Variants in IL1RAPL2 observed in about 807,000 individuals in gnomAD.
IL1RAPL2 encodes X-linked interleukin-1 receptor accessory protein-like 2.
IL1RAPL2 carries 3 observed loss-of-function variants against 44.1 expected under a neutral mutation model. That is an observed-to-expected ratio of 0.07 (90% confidence interval 0.03 to 0.18). IL1RAPL2 has a LOEUF of 0.18. IL1RAPL2 is among the 10% of genes least tolerant of loss of function. The pLI is 1.00. For synonymous variants in IL1RAPL2, 181 were observed against 178.8 expected, an observed-to-expected ratio of 1.01 and a Z score of -0.10; for missense variants, 391 against 496.4, an observed-to-expected ratio of 0.79 and a Z score of 2.02.
At chrX:104,953,609 A>G (rs1265284552) in intron 2 of IL1RAPL2, among the ~76,000 whole-genome samples, 1 of 112,006 alleles carries the variant, frequency 8.9e-6, no homozygotes, top group Non-Finnish European at 1.9e-5. Context: ...CCCTGAAGCC[A>G]AGCTAACTGG....
At chrX:105,661,994 G>T (rs1331935128) in intron 6 of IL1RAPL2, among the ~76,000 whole-genome samples, 1 of 112,277 alleles carries the variant, frequency 8.9e-6, no homozygotes, top group Non-Finnish European at 1.9e-5. Flanking sequence ...AGATAAAATG[G>T]CAGCAATAGA....
intron 2 of IL1RAPL2, among the ~76,000 whole-genome samples, chrX:104,747,016 C>A (rs923814054): frequency 2.7e-5 from 3 of 111,556 alleles, no homozygotes; most frequent in African/African-American, 9.7e-5. Context: ...GATCTGGCTT[C>A]AATTTACCCC....
chrX:104,611,836 C>CAA lies in IL1RAPL2; in HGVS notation c.-20+44809_-20+44810dup, dbSNP rs57729757. On this transcript the variant is annotated intron_variant, in intron 1 of 10. Transcript: ENST00000372582. The stretch of plus-strand genomic sequence containing the variant: ...TGGGCGACAGAGCGAGACTCCATCT[C>CAA]AAAAAAAAAAAAAAAAAAAAAAAAA... Among the ~76,000 whole-genome samples the CAA allele has an allele frequency of 2.4e-3, 95 of 39,870 alleles. 1 individual carries two copies. The highest frequency in any genetic ancestry group is 3.2e-3 in the Non-Finnish European group (75 of 23,449). 34.6% of individuals were successfully genotyped at this position (39,870 alleles called of 115,157 possible).
At chrX:105,386,972 T>A (rs2035480575) in intron 5 of IL1RAPL2, among the ~76,000 whole-genome samples, 1 of 111,512 alleles carries the variant, frequency 9.0e-6, no homozygotes, top group Admixed American at 9.6e-5. Flanking sequence ...GATCTCTAAT[T>A]AGGACTCCTT....
chrX:105,064,103 A>G (rs2032107226), intron 2 of IL1RAPL2, among the ~76,000 whole-genome samples: 1 of 112,282 alleles, frequency 8.9e-6, no homozygotes, highest in South Asian at 3.7e-4. Context: ...TGGTGAAGCT[A>G]TCTAGGACTT....
intron 2 of IL1RAPL2, among the ~76,000 whole-genome samples, chrX:104,723,487 T>C (rs1349920468): frequency 9.1e-6 from 1 of 109,871 alleles, no homozygotes; most frequent in Non-Finnish European, 1.9e-5. Context: ...CTGTGTAAAT[T>C]AGGAATGTGG....
chrX:105,525,968 G>T (rs1353272193), intron 6 of IL1RAPL2, among the ~76,000 whole-genome samples: 5 of 111,547 alleles, frequency 4.5e-5, no homozygotes, highest in African/African-American at 1.3e-4. Context: ...TCTCACAAAA[G>T]GTAGATAATG....
chrX:105,269,669 G>A (rs1178842510), intron 5 of IL1RAPL2, among the ~76,000 whole-genome samples: 1 of 111,357 alleles, frequency 9.0e-6, no homozygotes, highest in African/African-American at 3.3e-5. Flanking sequence ...ATTCAATCAT[G>A]GGCAGTTGTA....
At chrX:105,278,387 T>C (rs2034502674) in intron 5 of IL1RAPL2, among the ~76,000 whole-genome samples, 1 of 111,472 alleles carries the variant, frequency 9.0e-6, no homozygotes, top group African/African-American at 3.3e-5. Flanking sequence ...CTCCTAGCTA[T>C]GTAGTTTCCT....
chrX:104,874,489 A>G (rs748952162), intron 2 of IL1RAPL2, among the ~76,000 whole-genome samples: 1 of 110,558 alleles, frequency 9.0e-6, no homozygotes, highest in Non-Finnish European at 1.9e-5. Context: ...TACTTCTTGG[A>G]CTGATTATTG....
chrX:105,034,909 T>C (rs1167474170), intron 2 of IL1RAPL2, among the ~76,000 whole-genome samples: 1 of 97,073 alleles, frequency 1.0e-5, no homozygotes. Context: ...GCTTCCCAGC[T>C]GCTTTGTTTA....
At chrX:104,944,453 G>T (rs1260549584) in intron 2 of IL1RAPL2, among the ~76,000 whole-genome samples, 2 of 112,006 alleles carry the variant, frequency 1.8e-5, no homozygotes, top group Non-Finnish European at 3.8e-5. Flanking sequence ...GCCTAGCAAA[G>T]AAAGCAAAAT....
At chrX:105,243,605 A>ATATATGTGTATATATATATATATATT (rs1556211250) in intron 4 of IL1RAPL2, among the ~76,000 whole-genome samples, 1 of 97,400 alleles carries the variant, frequency 1.0e-5, no homozygotes, top group African/African-American at 3.9e-5. Context: ...ATATATATAT[A>ATATATGTGTATATATATATATATATT]TTTTTTTTTT....
At chrX:105,143,472 T>C (rs2033146130) in intron 2 of IL1RAPL2, among the ~76,000 whole-genome samples, 1 of 111,409 alleles carries the variant, frequency 9.0e-6, no homozygotes, top group Non-Finnish European at 1.9e-5. Context: ...TGTGGAGAAA[T>C]AGGAACACTT....
chrX:105,608,606 CTG>C (rs1217177135), intron 6 of IL1RAPL2, among the ~76,000 whole-genome samples: 2 of 111,939 alleles, frequency 1.8e-5, no homozygotes, highest in African/African-American at 6.5e-5. Context: ...TGTTTTAAAA[CTG>C]TGATTAATCT....
chrX:105,326,306 C>T (rs1287922669), intron 5 of IL1RAPL2, among the ~76,000 whole-genome samples: 5 of 111,212 alleles, frequency 4.5e-5, no homozygotes, highest in Middle Eastern at 9.2e-3. Context: ...ATCCTCCTGC[C>T]TCTGACTCCC....
At position 104,955,321 on chromosome X, in the gene IL1RAPL2, T is replaced by A. The variant is rs751891640; in HGVS notation, c.83-240154T>A. ...TATTCCTCAAGGTCACTGGGACACT[T>A]TCTTCAGGGGATATAAGGGAAGAAC... On this transcript the variant is annotated intron_variant, in intron 2 of 10. Coordinates refer to ENST00000372582, the MANE Select transcript of IL1RAPL2 (RefSeq NM_017416.2). Among the ~76,000 whole-genome samples the A allele has an allele frequency of 1.0e-4, 11 of 110,264 alleles. No homozygotes were observed. In the South Asian group the frequency reaches 4.3e-3, roughly 43 times the overall value.
At chrX:105,631,687 G>A (rs1284244289) in intron 6 of IL1RAPL2, among the ~76,000 whole-genome samples, 1 of 111,982 alleles carries the variant, frequency 8.9e-6, no homozygotes, top group African/African-American at 3.2e-5. Flanking sequence ...GGTAAGATCC[G>A]GTCTCAGTGC....
Position 105,689,825 on chromosome X carries a change from C to A in IL1RAPL2, c.773-27542C>A, listed in dbSNP as rs761038718. Among the ~76,000 whole-genome samples, 158 of 112,183 alleles carry A rather than the reference C, an allele frequency of 1.4e-3. 1 individual carries two copies. The highest frequency in any genetic ancestry group is 4.8e-3 in the African/African-American group (149 of 30,879). On this transcript the variant is annotated intron_variant, in intron 6 of 10. Coordinates refer to ENST00000372582, the MANE Select transcript of IL1RAPL2 (RefSeq NM_017416.2). ...AAAGACTTGAAACCAACCCAAATGT[C>A]CATCAATGATAGACTGGATTAAGAA...
Sources: allele counts gnomAD v4.1 joint callset (sites outside exome capture counted in the v4.1 genomes callset), GRCh38; gene constraint gnomAD v4.1.1; transcripts MANE v1.5; gene names NCBI Gene and HGNC (gene_info 2026-07-23, HGNC 2026-07-21).